EPB41L2: variants seen among roughly 807,000 people sequenced by gnomAD.
EPB41L2 encodes band 4.1-like protein 2.
A neutral mutation model predicts 113.0 loss-of-function variants in EPB41L2; 43 were observed. The ratio of observed to expected loss-of-function variants is 0.38; its 90% CI spans 0.30 to 0.49. The LOEUF is 0.49. Among genes scored for constraint, EPB41L2 ranks in the 20% least tolerant of loss-of-function variants. EPB41L2 has a pLI of 0.95. For missense variants in EPB41L2, 1,147 were observed against 1,223.4 expected (o/e 0.94, Z 0.93); for synonymous variants, 442 against 436.7 (o/e 1.01, Z -0.15).
Position 130,956,315 on chromosome 6 carries a change from A to G in EPB41L2, c.171T>C (p.Ser57=), listed in dbSNP as rs199613072. ...SQPPPAAESQ[S]SLRRQKREKE... ...TCTCTCTCTTCTGGCGGCGTAGACT[A>G]CTTTGGCTTTCAGCTGCAGGAGGTG... is the stretch of plus-strand genomic sequence containing the variant. The change falls in exon 2 of 20, where the codon AGT becomes AGC. Residue 57 remains serine, a synonymous_variant. Coordinates refer to ENST00000337057, the MANE Select transcript of EPB41L2 (RefSeq NM_001431.4). 2.9e-5 allele frequency: 47 copies of G among 1,613,848 alleles called. No individual in the cohort carries two copies. The highest frequency in any genetic ancestry group is 4.0e-5 in the Non-Finnish European group (47 of 1,179,976).
At chr6:131,005,235 C>T (rs1352566957) in intron 1 of EPB41L2, among the ~76,000 whole-genome samples, 2 of 150,574 alleles carry the variant, frequency 1.3e-5, no homozygotes, top group Middle Eastern at 3.4e-3. Flanking sequence ...TTTCAATTAT[C>T]TACTGCTGGT....
At chr6:130,934,550 G>A (rs185064688) in intron 3 of EPB41L2, among the ~76,000 whole-genome samples, 29 of 152,242 alleles carry the variant, frequency 1.9e-4, no homozygotes, top group Admixed American at 1.8e-3. Flanking sequence ...CTGGCTCACT[G>A]CAGCCTCAAA....
At chr6:130,871,331 C>A (rs1785596296) in intron 14 of EPB41L2, among the ~76,000 whole-genome samples, 1 of 152,112 alleles carries the variant, frequency 6.6e-6, no homozygotes, top group Non-Finnish European at 1.5e-5. Context: ...GGTACTACTG[C>A]CTATGATCTA....
chr6:130,926,818 ATT>A (rs1358548161), intron 3 of EPB41L2, 109 bp from the exon 4 acceptor site: 6 of 686,110 alleles, frequency 8.7e-6, no homozygotes, highest in South Asian at 4.2e-5. Flanking sequence ...AACATTAAAT[ATT>A]TGTTTTCTCA....
intron 4 of EPB41L2, among the ~76,000 whole-genome samples, chr6:130,920,459 T>G (rs1420464654): frequency 6.6e-6 from 1 of 152,164 alleles, no homozygotes; most frequent in Non-Finnish European, 1.5e-5. Context: ...CAAACACTTC[T>G]TTAAACAACA....
rs141483573 is a variant in EPB41L2, at chr6:130,869,620, G to A, written c.2550C>T (p.Asn850=). The A allele has an allele frequency of 1.5e-3, 2,494 of 1,614,108 alleles. 41 individuals carry two copies. In the African/African-American group the frequency reaches 0.029, roughly 19 times the overall value. Residue 850 remains asparagine (N), a synonymous_variant, in exon 15 of 20, where the codon AAC becomes AAT. Coordinates refer to ENST00000337057, the MANE Select transcript of EPB41L2 (RefSeq NM_001431.4). ...CAATGTCAACATGGGACACCTCTCC[G>A]TTAACTTTCTGTGGCTCTTCCTCTG... ...EEAEEEPQKV[N]GEVSHVDIDV...
At chr6:131,029,146 A>G (rs556916297) in intron 1 of EPB41L2, among the ~76,000 whole-genome samples, 1 of 152,288 alleles carries the variant, frequency 6.6e-6, no homozygotes, top group South Asian at 2.1e-4. Context: ...AGGGAAAAAA[A>G]TCTTGAATAT....
At chr6:130,960,543 A>G (rs2128632036) in intron 1 of EPB41L2, among the ~76,000 whole-genome samples, 1 of 152,248 alleles carries the variant, frequency 6.6e-6, no homozygotes. Context: ...CATAAGGGTT[A>G]AGAGCCTCAA....
chr6:130,874,049 T>G (rs1421042024), intron 14 of EPB41L2, among the ~76,000 whole-genome samples: 1 of 152,140 alleles, frequency 6.6e-6, no homozygotes, highest in Admixed American at 6.5e-5. Flanking sequence ...TCCAATGACA[T>G]ACCTTCAAAA....
intron 3 of EPB41L2, among the ~76,000 whole-genome samples, chr6:130,942,045 C>A (rs2128588352): frequency 6.6e-6 from 1 of 152,230 alleles, no homozygotes; most frequent in Non-Finnish European, 1.5e-5. Context: ...TCTGAATAAT[C>A]CACGGATTTT....
At position 130,956,360 on chromosome 6, in the gene EPB41L2, C is replaced by T. The variant is rs139634261; in HGVS notation, c.126G>A (p.Glu42=). The change falls in exon 2 of 20, where the codon GAG becomes GAA. Residue 42 remains glutamate (E), a synonymous_variant. Transcript: ENST00000337057. ...ENQQNQSSDP[E]EEKGSQPPPA... is the part of the protein sequence containing the mutation. ...GAGGTGGCTGGGAACCTTTTTCCTCCTCTGGATCGGAAGACTGATTCTGCT... is the reference window on the plus strand; with the variant it reads ...GAGGTGGCTGGGAACCTTTTTCCTCTTCTGGATCGGAAGACTGATTCTGCT... 3.1e-6 allele frequency: 5 copies of T among 1,614,156 alleles called. No homozygotes were observed. Among genetic ancestry groups the T allele is most frequent in the Non-Finnish European group, 4.2e-6 (5 of 1,180,034 alleles).
chr6:130,955,075 AG>A, intron 3 of EPB41L2, 29 bp downstream of exon 3: 1 of 1,591,004 alleles, frequency 6.3e-7, no homozygotes, highest in South Asian at 1.1e-5. Context: ...CCACATATCA[AG>A]CTAGCTCTCA....
At chr6:130,891,709 A>G (rs1038706744) in intron 10 of EPB41L2, among the ~76,000 whole-genome samples, 5 of 152,184 alleles carry the variant, frequency 3.3e-5, no homozygotes, top group African/African-American at 7.2e-5. Flanking sequence ...CAGCCTCCCA[A>G]TGTGCTGGGA....
At chr6:130,858,869 G>C (rs574249533) in intron 18 of EPB41L2, among the ~76,000 whole-genome samples, 210 of 152,342 alleles carry the variant, frequency 1.4e-3, no homozygotes, top group African/African-American at 4.5e-3. Flanking sequence ...TAAAGCTAAA[G>C]AACAGAGACT....
chr6:131,042,521 A>G (rs1000835455), intron 1 of EPB41L2, among the ~76,000 whole-genome samples: 10 of 152,196 alleles, frequency 6.6e-5, no homozygotes, highest in African/African-American at 1.9e-4. Context: ...AATTTCCACA[A>G]TAAGTAGTAA....
chr6:130,916,124 A>G (rs1800979050), intron 4 of EPB41L2, among the ~76,000 whole-genome samples: 1 of 152,240 alleles, frequency 6.6e-6, no homozygotes, highest in Non-Finnish European at 1.5e-5. Flanking sequence ...TATAGAATTC[A>G]GCAGACTGCC....
intron 1 of EPB41L2, among the ~76,000 whole-genome samples, chr6:130,957,624 A>G (rs1206493019): frequency 7.8e-6 from 1 of 128,594 alleles, no homozygotes; most frequent in African/African-American, 3.2e-5. Flanking sequence ...GTGAGACCCC[A>G]TCTCTTAAAA....
chr6:130,886,420 C>T (rs898671031), intron 11 of EPB41L2, among the ~76,000 whole-genome samples: 1 of 152,080 alleles, frequency 6.6e-6, no homozygotes. Context: ...ACTCTTCACC[C>T]CTCAACACCA....
rs1554248200 is a variant in EPB41L2, at chr6:130,870,109, C to T, written c.2061G>A (p.Leu687=). 1 of 1,611,244 alleles carries T rather than the reference C, an allele frequency of 6.2e-7. No individual in the cohort carries two copies. Among genetic ancestry groups the T allele is most frequent in the South Asian group, 1.1e-5 (1 of 90,824 alleles). ...LQTQGSSHET[L]NIVEEKKRAE... The stretch of plus-strand genomic sequence containing the variant: ...CCCGCTTCTTCTCCTCCACTATATT[C>T]AGAGTCTCATGTGAACTCTGTACAA... The change falls in exon 15 of 20, where the codon CTG becomes CTA. Residue 687 remains leucine, a synonymous_variant. Coordinates refer to ENST00000337057, the MANE Select transcript of EPB41L2 (RefSeq NM_001431.4).
Sources: allele counts gnomAD v4.1 joint callset (sites outside exome capture counted in the v4.1 genomes callset), GRCh38; gene constraint gnomAD v4.1.1; transcripts MANE v1.5; gene names NCBI Gene and HGNC (gene_info 2026-07-23, HGNC 2026-07-21).